The following SHROOM4 variants were observed in gnomAD, a reference collection of about 807,000 sequenced individuals.
SHROOM4 encodes protein Shroom4.
Under a neutral mutation model 80.3 loss-of-function variants are expected in SHROOM4, and 17 were observed. The observed-to-expected ratio is 0.21, with a 90% CI of 0.14 to 0.32. SHROOM4 has a LOEUF of 0.32. Ranked by LOEUF, SHROOM4 falls within the 10% of genes least tolerant of loss-of-function variation. The pLI is 1.00. For synonymous variants in SHROOM4, 400 were observed against 437.5 expected, an observed-to-expected ratio of 0.91 and a Z score of 1.07; for missense variants, 993 against 1,140.3, an observed-to-expected ratio of 0.87 and a Z score of 1.86.
downstream of SHROOM4, among the ~76,000 whole-genome samples, chrX:50,583,274 A>G (rs1928696900): frequency 9.1e-6 from 1 of 110,077 alleles, no homozygotes; most frequent in Non-Finnish European, 1.9e-5. Flanking sequence ...CCCACCCTAT[A>G]GGTAGAGTAT....
chrX:50,645,188 C>A (rs1931779874), intron 2 of SHROOM4, among the ~76,000 whole-genome samples: 1 of 111,649 alleles, frequency 9.0e-6, no homozygotes, highest in Non-Finnish European at 1.9e-5. Context: ...TTAATAAGCT[C>A]CAGAGTGATA....
intron 1 of SHROOM4, among the ~76,000 whole-genome samples, chrX:50,714,918 A>G (rs1602455798): frequency 9.0e-6 from 1 of 111,690 alleles, no homozygotes; most frequent in Non-Finnish European, 1.9e-5. Context: ...CCTGTTACAT[A>G]GAGAGGCTTA....
Position 50,589,748 on chromosome X carries a change from C to T in SHROOM4, c.*6947G>A, listed in dbSNP as rs1569546176. Among the ~76,000 whole-genome samples the T allele has an allele frequency of 8.9e-6, 1 of 111,880 alleles. No homozygotes were observed. Among genetic ancestry groups the T allele is most frequent in the Non-Finnish European group, 1.9e-5 (1 of 53,202 alleles). On this transcript the variant is annotated 3_prime_UTR_variant, in exon 9 of 9. Coordinates refer to ENST00000376020, the MANE Select transcript of SHROOM4 (RefSeq NM_020717.5). ...ATGCCACTTTAAACATTCATGTTCA[C>T]GCTTTTGTTTGAACACCTGTTTCCA...
intron 7 of SHROOM4, among the ~76,000 whole-genome samples, chrX:50,600,846 A>C (rs887369789): frequency 7.1e-5 from 8 of 112,086 alleles, no homozygotes; most frequent in African/African-American, 2.6e-4. Flanking sequence ...TGAATAAGGC[A>C]ACACAATTAG....
chrX:50,701,643 A>T (rs1300798535), intron 1 of SHROOM4, among the ~76,000 whole-genome samples: 1 of 112,048 alleles, frequency 8.9e-6, no homozygotes, highest in East Asian at 2.8e-4. Context: ...CTTTATTAAT[A>T]TTTAATATTG....
At chrX:50,801,957 T>C (rs1557272650) in intron 1 of SHROOM4, among the ~76,000 whole-genome samples, 1 of 112,304 alleles carries the variant, frequency 8.9e-6, no homozygotes, top group East Asian at 2.8e-4. Flanking sequence ...CCAGGTTGCA[T>C]GGCATAAGCA....
intron 1 of SHROOM4, among the ~76,000 whole-genome samples, chrX:50,785,764 C>G (rs1557271002): frequency 2.7e-5 from 3 of 111,384 alleles, no homozygotes; most frequent in Non-Finnish European, 5.7e-5. Flanking sequence ...CATTTCAAAA[C>G]TCATCAATTT....
intron 1 of SHROOM4, among the ~76,000 whole-genome samples, chrX:50,798,844 T>G (rs185730147): frequency 3.6e-5 from 4 of 111,802 alleles, no homozygotes; most frequent in African/African-American, 9.7e-5. Context: ...AATTTTCTAC[T>G]GTGCATTTCC....
the SHROOM4 span, among the ~76,000 whole-genome samples, chrX:50,576,943 T>A: frequency 1.8e-5 from 2 of 112,253 alleles, no homozygotes. Context: ...TTATAATTTT[T>A]ATTTAAACTA....
At chrX:50,794,711 G>C (rs1157139209) in intron 1 of SHROOM4, among the ~76,000 whole-genome samples, 1 of 107,066 alleles carries the variant, frequency 9.3e-6, no homozygotes, top group Admixed American at 1.0e-4. Flanking sequence ...TAGATTGTGT[G>C]GTGAGGTACC....
chrX:50,690,290 T>A (rs1557262547), intron 2 of SHROOM4, among the ~76,000 whole-genome samples: 1 of 111,980 alleles, frequency 8.9e-6, no homozygotes, highest in Non-Finnish European at 1.9e-5. Context: ...CTTTCTTTGT[T>A]GTTGTATTCC....
chrX:50,686,789 C>T (rs1557262288), intron 2 of SHROOM4, among the ~76,000 whole-genome samples: 1 of 111,483 alleles, frequency 9.0e-6, no homozygotes, highest in Admixed American at 9.5e-5. Flanking sequence ...TCAAACACAA[C>T]AGATTTATAA....
intron 1 of SHROOM4, among the ~76,000 whole-genome samples, chrX:50,796,811 T>C (rs1195051500): frequency 9.1e-6 from 1 of 110,058 alleles, no homozygotes; most frequent in African/African-American, 3.3e-5. Context: ...ATGTGGGATA[T>C]GGGATGAGTA....
At chrX:50,795,331 T>C (rs1557272034) in intron 1 of SHROOM4, among the ~76,000 whole-genome samples, 1 of 107,233 alleles carries the variant, frequency 9.3e-6, no homozygotes. Context: ...TCATACAAAC[T>C]CAAAAAGAAG....
chrX:50,652,597 T>C (rs782607946), intron 2 of SHROOM4, among the ~76,000 whole-genome samples: 4 of 112,367 alleles, frequency 3.6e-5, no homozygotes, highest in Non-Finnish European at 5.6e-5. Flanking sequence ...TTGTCAATTT[T>C]GGCTTCTGTT....
chrX:50,575,772 T>TA, the SHROOM4 span, among the ~76,000 whole-genome samples: 2 of 112,256 alleles, frequency 1.8e-5, no homozygotes, highest in Non-Finnish European at 3.8e-5. Context: ...AGGTATAATT[T>TA]ACATTCCATG....
intron 2 of SHROOM4, among the ~76,000 whole-genome samples, chrX:50,649,402 C>T (rs949574572): frequency 4.5e-5 from 5 of 111,244 alleles, no homozygotes; most frequent in Middle Eastern, 4.6e-3. Flanking sequence ...GCAAAGGAGA[C>T]GGGGGATGAT....
chrX:50,632,473 C>T (rs1557254297), intron 4 of SHROOM4, among the ~76,000 whole-genome samples: 2 of 111,535 alleles, frequency 1.8e-5, no homozygotes, highest in Non-Finnish European at 3.8e-5. Flanking sequence ...CCAGAAGTAG[C>T]CTGGGGGATG....
intron 1 of SHROOM4, among the ~76,000 whole-genome samples, chrX:50,792,477 G>C (rs1326327482): frequency 9.2e-6 from 1 of 108,878 alleles, no homozygotes; most frequent in Non-Finnish European, 1.9e-5. Context: ...CTGCACTCCA[G>C]TCTGGGTGAC....
Sources: gnomAD v4.1 joint callset for allele counts (sites outside exome capture counted in the v4.1 genomes callset) on GRCh38, gnomAD v4.1.1 for gene constraint, MANE v1.5 for transcripts, NCBI Gene and HGNC (gene_info 2026-07-23, HGNC 2026-07-21) for gene names.